The following AUTS2 variants were observed in gnomAD, a reference collection of about 807,000 sequenced individuals.
AUTS2 encodes activator of transcription and developmental regulator AUTS2.
AUTS2 carries 17 observed loss-of-function variants against 112.4 expected under a neutral mutation model. The observed-to-expected ratio is 0.15, with a 90% CI of 0.10 to 0.23. The LOEUF is 0.23. Among genes scored for constraint, AUTS2 ranks in the 10% least tolerant of loss-of-function variants. The probability of loss-of-function intolerance (pLI) is 1.00; values close to 1 mark genes in which losing one functional copy is unlikely to be tolerated. For synonymous variants in AUTS2, 751 were observed against 702.7 expected, an observed-to-expected ratio of 1.07 and a Z score of -1.09; for missense variants, 1,510 against 1,701.6, an observed-to-expected ratio of 0.89 and a Z score of 1.98.
chr7:70,487,923 G>A (rs1798078230), intron 5 of AUTS2, among the ~76,000 whole-genome samples: 2 of 152,204 alleles, frequency 1.3e-5, no homozygotes, highest in African/African-American at 4.8e-5. Context: ...ATGAGTAGAT[G>A]GAAGGCTGGG....
intron 5 of AUTS2, among the ~76,000 whole-genome samples, chr7:70,553,311 C>T (rs111627543): frequency 9.8e-5 from 15 of 152,320 alleles, no homozygotes; most frequent in African/African-American, 2.6e-4. Flanking sequence ...ATTCATTGTT[C>T]ATGTGCCACA....
chr7:70,354,866 TTTTG>T (rs1166121472), intron 4 of AUTS2, among the ~76,000 whole-genome samples: 1 of 152,160 alleles, frequency 6.6e-6, no homozygotes, highest in Non-Finnish European at 1.5e-5. Context: ...AAAATTAACT[TTTTG>T]TTTCTTTTTC....
At chr7:70,712,604 T>A (rs997629852) in intron 6 of AUTS2, among the ~76,000 whole-genome samples, 2 of 152,124 alleles carry the variant, frequency 1.3e-5, no homozygotes, top group African/African-American at 2.4e-5. Flanking sequence ...AACTCTGGGG[T>A]AGAGTCACAA....
At chr7:70,265,534 T>C (rs1381519764) in intron 4 of AUTS2, among the ~76,000 whole-genome samples, 1 of 152,214 alleles carries the variant, frequency 6.6e-6, no homozygotes, top group Admixed American at 6.5e-5. Context: ...TATAGATCAG[T>C]TCTCCCAGTG....
At chr7:69,600,161 C>T (rs911373932) in intron 1 of AUTS2, among the ~76,000 whole-genome samples, 199 bp downstream of exon 1, 30 of 152,014 alleles carry the variant, frequency 2.0e-4, no homozygotes, top group African/African-American at 6.5e-4. Flanking sequence ...GTCGCAAAGC[C>T]GTGCCTGGTC....
chr7:70,309,343 A>G (rs993950612), intron 4 of AUTS2, among the ~76,000 whole-genome samples: 2 of 152,218 alleles, frequency 1.3e-5, no homozygotes, highest in Non-Finnish European at 2.9e-5. Flanking sequence ...AGAGCCTAAA[A>G]TCATAAGACT....
intron 5 of AUTS2, among the ~76,000 whole-genome samples, chr7:70,494,019 A>G (rs1001069437): frequency 2.6e-5 from 4 of 152,198 alleles, no homozygotes; most frequent in African/African-American, 9.7e-5. Flanking sequence ...ATGTTCAGCA[A>G]TCCCTGAGAT....
chr7:69,886,209 G>A (rs1469078019), intron 1 of AUTS2, among the ~76,000 whole-genome samples: 1 of 152,172 alleles, frequency 6.6e-6, no homozygotes, highest in Non-Finnish European at 1.5e-5. Flanking sequence ...GCAATTGTTC[G>A]TGGAATACTA....
At chr7:69,768,616 G>C (rs896984761) in intron 1 of AUTS2, among the ~76,000 whole-genome samples, 7 of 152,256 alleles carry the variant, frequency 4.6e-5, no homozygotes, top group Non-Finnish European at 1.0e-4. Context: ...CTGATTCCTT[G>C]TACAAAAGAA....
At chr7:69,909,469 C>T (rs539144846) in intron 2 of AUTS2, among the ~76,000 whole-genome samples, 1 of 152,180 alleles carries the variant, frequency 6.6e-6, no homozygotes, top group African/African-American at 2.4e-5. Context: ...TGATGATGAG[C>T]TCTTAAGGTT....
chr7:70,775,442 T>TA, intron 13 of AUTS2, 56 bp downstream of exon 13: 1 of 1,370,122 alleles, frequency 7.3e-7, no homozygotes, highest in South Asian at 1.2e-5. Flanking sequence ...CCCTGTGGGT[T>TA]AAAAATACAA....
chr7:69,759,554 A>G (rs980237116), intron 1 of AUTS2, among the ~76,000 whole-genome samples: 1 of 152,018 alleles, frequency 6.6e-6, no homozygotes, highest in African/African-American at 2.4e-5. Context: ...TCATGAGCCA[A>G]TTGAGAAAAA....
chr7:69,619,954 T>G (rs1440097856), intron 1 of AUTS2, among the ~76,000 whole-genome samples: 1 of 152,192 alleles, frequency 6.6e-6, no homozygotes, highest in East Asian at 1.9e-4. Context: ...AGGGAAGTGT[T>G]TTGCCTAATT....
intron 5 of AUTS2, among the ~76,000 whole-genome samples, chr7:70,528,241 A>G (rs1189719475): frequency 6.6e-6 from 1 of 151,660 alleles, no homozygotes; most frequent in South Asian, 2.1e-4. Context: ...GATTCCCCCA[A>G]TGAAGAAGAA....
chr7:70,222,464 T>A (rs1362351038), intron 4 of AUTS2, among the ~76,000 whole-genome samples: 1 of 152,184 alleles, frequency 6.6e-6, no homozygotes, highest in Non-Finnish European at 1.5e-5. Context: ...TTAAGGACTA[T>A]TTTTTAACAT....
chr7:70,477,795 A>AAAT (rs1797639218), intron 5 of AUTS2, among the ~76,000 whole-genome samples: 1 of 152,050 alleles, frequency 6.6e-6, no homozygotes, highest in Non-Finnish European at 1.5e-5. Flanking sequence ...GTGTACTGGG[A>AAAT]ATCCACAAGT....
intron 5 of AUTS2, among the ~76,000 whole-genome samples, chr7:70,499,736 C>A (rs1798698515): frequency 6.6e-6 from 1 of 152,136 alleles, no homozygotes; most frequent in South Asian, 2.1e-4. Context: ...TGAAGAGGAA[C>A]TATAAGATGG....
chr7:70,642,581 G>A (rs2129540464), intron 5 of AUTS2, among the ~76,000 whole-genome samples: 1 of 152,200 alleles, frequency 6.6e-6, no homozygotes, highest in African/African-American at 2.4e-5. Context: ...CTCCATCCAA[G>A]CCTCAGCTTT....
intron 1 of AUTS2, among the ~76,000 whole-genome samples, chr7:69,648,685 C>T (rs891993912): frequency 6.6e-6 from 1 of 152,044 alleles, no homozygotes; most frequent in African/African-American, 2.4e-5. Context: ...AGATCTCTGA[C>T]CCAGAGAGAC....
Sources: gnomAD v4.1 joint callset for allele counts (sites outside exome capture counted in the v4.1 genomes callset) on GRCh38, gnomAD v4.1.1 for gene constraint, MANE v1.5 for transcripts, NCBI Gene and HGNC (gene_info 2026-07-23, HGNC 2026-07-21) for gene names.